SLC4A4: variants seen among roughly 807,000 people sequenced by gnomAD.
SLC4A4 encodes solute carrier family 4 member 4, also known as electrogenic sodium bicarbonate cotransporter 1.
SLC4A4 carries 27 observed loss-of-function variants against 111.5 expected under a neutral mutation model. That is an observed-to-expected ratio of 0.24 (90% CI 0.18 to 0.33). The LOEUF is 0.33. Among genes scored for constraint, SLC4A4 ranks in the 10% least tolerant of loss-of-function variants. The pLI is 1.00. For synonymous variants in SLC4A4, 443 were observed against 463.4 expected, an observed-to-expected ratio of 0.96 and a Z score of 0.57; for missense variants, 909 against 1,315.5, an observed-to-expected ratio of 0.69 and a Z score of 4.78.
chr4:71,188,020 A>G (rs1745567467), intron 1 of SLC4A4, among the ~76,000 whole-genome samples: 2 of 152,212 alleles, frequency 1.3e-5, no homozygotes, highest in Non-Finnish European at 2.9e-5. Flanking sequence ...GTTAAACTGG[A>G]ATTTCTCTTG....
At chr4:71,472,552 G>C in intron 13 of SLC4A4, 147 bp from the exon 14 acceptor site, 1 of 774,616 alleles carries the variant, frequency 1.3e-6, no homozygotes, top group Non-Finnish European at 2.1e-6. Context: ...TAAACTTAGT[G>C]CTTTCTGGCT....
intron 6 of SLC4A4, among the ~76,000 whole-genome samples, chr4:71,380,920 A>G (rs1718077402): frequency 6.6e-6 from 1 of 152,200 alleles, no homozygotes; most frequent in Non-Finnish European, 1.5e-5. Flanking sequence ...CAAGTCAGAA[A>G]ATGAAATGCC....
At chr4:71,142,838 C>A (rs1167239266) in intron 2 of SLC4A4, among the ~76,000 whole-genome samples, 1 of 142,240 alleles carries the variant, frequency 7.0e-6, no homozygotes, top group Non-Finnish European at 1.5e-5. Flanking sequence ...ACCCTGCCAA[C>A]TGACAATTCT....
intron 2 of SLC4A4, among the ~76,000 whole-genome samples, chr4:71,171,222 C>T (rs1578547982): frequency 6.6e-6 from 1 of 151,456 alleles, no homozygotes. Context: ...GGAAAATTAA[C>T]GTGGCTTTGC....
rs564662233 is a variant in SLC4A4 at position 71,173,052 on chromosome 4, A to G, written c.-1-63524A>G. 3.3e-5 allele frequency among the ~76,000 whole-genome samples: 5 copies of G among 152,362 alleles called. No individual in the cohort carries two copies. The East Asian group carries it at 7.7e-4, about 23-fold the overall frequency. ...GAAATTATTAATGACTTTCAAAACT[A>G]TATGTTGTATTTCTACTGTGCACCC... is the stretch of plus-strand genomic sequence containing the variant. On this transcript the variant is annotated intron_variant, in intron 2 of 26. Transcript: ENST00000649996.
At chr4:71,355,823 C>A (rs1040384252) in intron 5 of SLC4A4, among the ~76,000 whole-genome samples, 1 of 152,178 alleles carries the variant, frequency 6.6e-6, no homozygotes, top group Non-Finnish European at 1.5e-5. Flanking sequence ...GTTATCCTAC[C>A]AGTACCCATC....
At chr4:71,153,776 A>G (rs1018883408) in intron 2 of SLC4A4, among the ~76,000 whole-genome samples, 6 of 152,170 alleles carry the variant, frequency 3.9e-5, no homozygotes, top group African/African-American at 1.4e-4. Context: ...AGTAGCCAGT[A>G]AAGAGACAGA....
At position 71,567,837 on chromosome 4, in the gene SLC4A4, G is replaced by C. The variant is rs1182028996; in HGVS notation, c.*86G>C. Reference sequence around the variant, plus strand: ...TGTGCCTCAAATTAGAATAGAACTTGAACCTGAAGACAATGATTATTTCTG... The same window carrying C: ...TGTGCCTCAAATTAGAATAGAACTTCAACCTGAAGACAATGATTATTTCTG... On this transcript the variant is annotated 3_prime_UTR_variant, in exon 26 of 26. Transcript: ENST00000264485. The C allele has an allele frequency of 1.3e-6, 2 of 1,550,986 alleles. No individual in the cohort carries two copies. The highest frequency in any genetic ancestry group is 1.7e-6 in the Non-Finnish European group (2 of 1,145,824).
intron 2 of SLC4A4, among the ~76,000 whole-genome samples, chr4:71,102,547 G>A (rs536654924): frequency 1.8e-4 from 27 of 152,268 alleles, no homozygotes; most frequent in African/African-American, 6.3e-4. Context: ...ACAAAGGAAA[G>A]CCCATCAGAC....
chr4:71,230,472 C>T (rs1312457063), intron 1 of SLC4A4, among the ~76,000 whole-genome samples: 1 of 152,224 alleles, frequency 6.6e-6, no homozygotes, highest in East Asian at 1.9e-4. Context: ...ATTGGCTATG[C>T]ACCAGAAAGC....
intron 18 of SLC4A4, among the ~76,000 whole-genome samples, chr4:71,540,401 T>C (rs1277751318): frequency 1.3e-5 from 2 of 152,202 alleles, no homozygotes; most frequent in Admixed American, 1.3e-4. Context: ...GCATATACAA[T>C]TTCAAAAGGA....
At chr4:71,130,659 A>G (rs1743677401) in intron 2 of SLC4A4, among the ~76,000 whole-genome samples, 1 of 152,312 alleles carries the variant, frequency 6.6e-6, no homozygotes, top group Middle Eastern at 3.4e-3. Flanking sequence ...GCATTAAGTG[A>G]TATCATACTT....
intron 2 of SLC4A4, among the ~76,000 whole-genome samples, chr4:71,142,996 C>G (rs10016738): frequency 0.99 from 150,182 of 151,944 alleles, 74,237 homozygotes; most frequent in South Asian, 1. Flanking sequence ...TGTGCACAAC[C>G]TGCAGGTTTG....
chr4:71,079,871 C>T (rs1741946148), intron 1 of SLC4A4, among the ~76,000 whole-genome samples: 1 of 150,740 alleles, frequency 6.6e-6, no homozygotes, highest in Admixed American at 6.6e-5. Context: ...AGACAGACTC[C>T]CCTGTGAGTG....
At chr4:71,427,331 C>T (rs1200172799) in intron 7 of SLC4A4, among the ~76,000 whole-genome samples, 2 of 151,958 alleles carry the variant, frequency 1.3e-5, no homozygotes, top group Non-Finnish European at 2.9e-5. Flanking sequence ...CTTCATTCCA[C>T]AAGTTTTGAT....
At chr4:71,543,734 G>T (rs1169044733) in intron 18 of SLC4A4, among the ~76,000 whole-genome samples, 1 of 151,978 alleles carries the variant, frequency 6.6e-6, no homozygotes, top group Non-Finnish European at 1.5e-5. Context: ...TTGGTAACAA[G>T]ATTTGTGGAT....
chr4:71,214,902 G>A (rs1718334855), intron 1 of SLC4A4, among the ~76,000 whole-genome samples: 1 of 152,182 alleles, frequency 6.6e-6, no homozygotes, highest in African/African-American at 2.4e-5. Flanking sequence ...TGCAGTAGTA[G>A]CTTTATGCAT....
intron 18 of SLC4A4, among the ~76,000 whole-genome samples, chr4:71,540,183 G>T (rs564101377): frequency 6.6e-6 from 1 of 152,244 alleles, no homozygotes; most frequent in East Asian, 1.9e-4. Context: ...CCCCATAAAT[G>T]AGCATATTGT....
At chr4:71,214,813 C>A (rs1284683134) in intron 1 of SLC4A4, among the ~76,000 whole-genome samples, 1 of 152,216 alleles carries the variant, frequency 6.6e-6, no homozygotes, top group Non-Finnish European at 1.5e-5. Flanking sequence ...TGCCTGGCAG[C>A]TCCCAGGAGT....
Sources: allele counts gnomAD v4.1 joint callset (sites outside exome capture counted in the v4.1 genomes callset), GRCh38; gene constraint gnomAD v4.1.1; transcripts MANE v1.5; gene names NCBI Gene and HGNC (gene_info 2026-07-23, HGNC 2026-07-21).